The following PRSS23 variants were observed in gnomAD, a reference collection of about 807,000 sequenced individuals.
PRSS23 encodes protease, serine 23.
PRSS23 carries 25 observed loss-of-function variants against 34.7 expected under a neutral mutation model. The observed-to-expected ratio is 0.72, with a 90% CI of 0.53 to 1.01. The LOEUF is 1.01. PRSS23 is among the 50% of genes least tolerant of loss of function. PRSS23 has a pLI of 0.00. For missense variants in PRSS23, 445 were observed against 475.6 expected (o/e 0.94, Z 0.60); for synonymous variants, 176 against 186.6 (o/e 0.94, Z 0.46).
chr11:86,907,771 CAAGTGCATAGTGCCGTCGTTTTAACTGT>C (rs1272318234), intron 2 of PRSS23, among the ~76,000 whole-genome samples: 2 of 152,180 alleles, frequency 1.3e-5, no homozygotes, highest in African/African-American at 2.4e-5. Flanking sequence ...AACAAATTTT[CAAGTGCATAGTGCCGTCGTTTTAACTGT>C]AAGTGCAATG....
At chr11:86,916,722 C>G (rs913915814) in intron 2 of PRSS23, among the ~76,000 whole-genome samples, 2 of 152,086 alleles carry the variant, frequency 1.3e-5, no homozygotes, top group Non-Finnish European at 2.9e-5. Flanking sequence ...TTCCAACAGA[C>G]CAGGAATGTG....
At chr11:86,799,815 G>A (rs547649814), upstream of PRSS23, among the ~76,000 whole-genome samples, 12 of 152,098 alleles carry the variant, frequency 7.9e-5, no homozygotes, top group Non-Finnish European at 1.3e-4. Flanking sequence ...GAGGCCAGTG[G>A]GCTCCCCAGC....
At chr11:86,811,974 C>G (rs894370935), downstream of PRSS23, among the ~76,000 whole-genome samples, 2 of 152,136 alleles carry the variant, frequency 1.3e-5, no homozygotes, top group Non-Finnish European at 2.9e-5. Flanking sequence ...CATGTCTGCA[C>G]TTTTTCTTTG....
intron 2 of PRSS23, among the ~76,000 whole-genome samples, chr11:86,877,219 G>A (rs1347672434): frequency 7.4e-6 from 1 of 135,328 alleles, no homozygotes; most frequent in African/African-American, 3.0e-5. Context: ...AGCTCCTTGG[G>A]GGTCAAGGGC....
At chr11:86,893,653 A>G (rs1457564284) in intron 2 of PRSS23, among the ~76,000 whole-genome samples, 2 of 152,244 alleles carry the variant, frequency 1.3e-5, no homozygotes, top group African/African-American at 4.8e-5. Context: ...ATAGATGGAT[A>G]GATATAGATA....
chr11:86,853,136 G>A (rs1257901190), intron 2 of PRSS23, among the ~76,000 whole-genome samples: 4 of 151,624 alleles, frequency 2.6e-5, no homozygotes, highest in East Asian at 3.9e-4. Flanking sequence ...TTACAGGTGC[G>A]AGCCACTGAG....
At chr11:86,834,897 A>C (rs1273717390) in intron 2 of PRSS23, among the ~76,000 whole-genome samples, 2 of 152,282 alleles carry the variant, frequency 1.3e-5, no homozygotes, top group East Asian at 3.9e-4. Flanking sequence ...CAAGTATTCC[A>C]TTATCACTGA....
At chr11:86,936,818 G>A (rs10792890) in intron 2 of PRSS23, 93,251 of 150,580 alleles carry the variant, frequency 0.62, 29,489 homozygotes, top group Non-Finnish European at 0.69. Context: ...TTGAGCCTGG[G>A]AGGTTGAGGC....
Position 86,897,119 on chromosome 11 carries a change from T to C in PRSS23, c.207-54097T>C, listed in dbSNP as rs182653287. 1.1e-3 allele frequency among the ~76,000 whole-genome samples: 169 copies of C among 152,330 alleles called. 2 individuals are homozygous for C. Among genetic ancestry groups the C allele is most frequent in the Middle Eastern group, 6.8e-3 (2 of 294 alleles). Reference sequence around the variant, plus strand: ...ATGTTTAAAAATATGTAGAGAGACCTGAATTGAGATCTTGGAAAATCACCT... The same window carrying C: ...ATGTTTAAAAATATGTAGAGAGACCCGAATTGAGATCTTGGAAAATCACCT... On this transcript the variant is annotated intron_variant, in intron 2 of 2. Transcript: ENST00000533902.
intron 2 of PRSS23, among the ~76,000 whole-genome samples, chr11:86,832,100 C>G (rs1948362241): frequency 6.6e-6 from 1 of 152,038 alleles, no homozygotes; most frequent in Non-Finnish European, 1.5e-5. Context: ...CTGTGATATT[C>G]TTCATAATAT....
chr11:86,847,381 C>T (rs936404924), intron 2 of PRSS23, among the ~76,000 whole-genome samples: 15 of 152,220 alleles, frequency 9.9e-5, no homozygotes, highest in Non-Finnish European at 2.2e-4. Context: ...ATAAATCCAA[C>T]AGTCCTTGTG....
intron 2 of PRSS23, among the ~76,000 whole-genome samples, chr11:86,908,213 C>G (rs1014671236): frequency 3.9e-5 from 6 of 151,968 alleles, no homozygotes; most frequent in African/African-American, 1.5e-4. Flanking sequence ...TAATAAATAC[C>G]CAGAAGTGGG....
At chr11:86,830,788 T>C (rs539971228) in intron 2 of PRSS23, among the ~76,000 whole-genome samples, 1 of 152,254 alleles carries the variant, frequency 6.6e-6, no homozygotes, top group East Asian at 1.9e-4. Context: ...TAGGAAGATA[T>C]TACTCCTAAT....
intron 2 of PRSS23, among the ~76,000 whole-genome samples, chr11:86,886,160 T>C (rs942202453): frequency 6.6e-6 from 1 of 151,988 alleles, no homozygotes; most frequent in African/African-American, 2.4e-5. Flanking sequence ...GTCCAGGAGA[T>C]TGAGGCCAGC....
intron 2 of PRSS23, among the ~76,000 whole-genome samples, chr11:86,833,953 T>G (rs1017011193): frequency 2.0e-5 from 3 of 152,182 alleles, no homozygotes; most frequent in African/African-American, 7.2e-5. Context: ...GTCATTAACA[T>G]CAGAGCATGT....
At chr11:86,921,678 T>C (rs1405036142) in intron 2 of PRSS23, 1 of 152,248 alleles carries the variant, frequency 6.6e-6, no homozygotes. Context: ...GAACATTTCA[T>C]TCTCCATGGT....
chr11:86,951,913 G>A lies in PRSS23; in HGVS notation c.*628G>A, dbSNP rs772616674. 1.9e-5 allele frequency: 31 copies of A among 1,613,754 alleles called. No individual in the cohort carries two copies. The South Asian group carries it at 2.9e-4, about 15-fold the overall frequency. On this transcript the variant is annotated 3_prime_UTR_variant, in exon 3 of 3. Coordinates refer to the PRSS23 transcript ENST00000533902. ...GTTCTGCTGCCTCTTCAAAATCACA[G>A]GATATCCTTTCCCGGCCTACAGTCA...
At chr11:86,857,293 G>C (rs746877233) in intron 2 of PRSS23, 11 of 677,750 alleles carry the variant, frequency 1.6e-5, no homozygotes, top group African/African-American at 7.9e-5. Context: ...GGTGGAGAAG[G>C]CTTTATACTT....
chr11:86,798,728 T>G (rs1947998776), upstream of PRSS23, among the ~76,000 whole-genome samples: 1 of 152,220 alleles, frequency 6.6e-6, no homozygotes, highest in Non-Finnish European at 1.5e-5. Flanking sequence ...AGGGTCTTGG[T>G]CTGTCACCCA....
Sources: allele counts gnomAD v4.1 joint callset (sites outside exome capture counted in the v4.1 genomes callset), GRCh38; gene constraint gnomAD v4.1.1; transcripts MANE v1.5; gene names NCBI Gene and HGNC (gene_info 2026-07-23, HGNC 2026-07-21).